Variants in PLCG2 observed in about 807,000 individuals in gnomAD.
The protein encoded by PLCG2 is 1-phosphatidylinositol 4,5-bisphosphate phosphodiesterase gamma-2.
In PLCG2, 69 loss-of-function variants were observed where a neutral mutation model predicts 175.6. The ratio of observed to expected loss-of-function variants is 0.39; its 90% CI spans 0.32 to 0.48. PLCG2 has a LOEUF of 0.48. Among genes scored for constraint, PLCG2 ranks in the 20% least tolerant of loss-of-function variants. The pLI is 0.91. For missense variants in PLCG2, 1,798 were observed against 1,650.9 expected, an observed-to-expected ratio of 1.09 and a Z score of -1.54; for synonymous variants, 827 against 624.0, an observed-to-expected ratio of 1.33 and a Z score of -4.85.
chr16:81,827,288 G>A (rs1651478230), intron 2 of PLCG2, among the ~76,000 whole-genome samples: 1 of 151,596 alleles, frequency 6.6e-6, no homozygotes, highest in Admixed American at 6.6e-5. Context: ...CCAGGATCAA[G>A]TGATCTTATC....
chr16:81,897,238 C>G (rs1036437805), intron 13 of PLCG2, among the ~76,000 whole-genome samples: 12 of 152,202 alleles, frequency 7.9e-5, no homozygotes, highest in African/African-American at 2.9e-4. Flanking sequence ...CTTCTATAGG[C>G]TCATTGGAAT....
intron 16 of PLCG2, 83 bp from the exon 17 acceptor site, chr16:81,908,333 C>G: frequency 1.6e-6 from 2 of 1,284,982 alleles, no homozygotes; most frequent in South Asian, 1.4e-5. Context: ...TACCCTGGGT[C>G]AGGGTGAGAC....
chr16:81,893,964 T>A (rs1256367806), intron 12 of PLCG2, among the ~76,000 whole-genome samples, 170 bp downstream of exon 12: 1 of 149,200 alleles, frequency 6.7e-6, no homozygotes, highest in African/African-American at 2.5e-5. Context: ...TTTCTTTCTT[T>A]TTTTTTTTTT....
chr16:81,773,890 A>C (rs535505223), intron 2 of PLCG2, among the ~76,000 whole-genome samples: 1 of 151,996 alleles, frequency 6.6e-6, no homozygotes, highest in South Asian at 2.1e-4. Flanking sequence ...TGTTCCTCCA[A>C]CTACACTCTG....
intron 2 of PLCG2, 107 bp from the exon 3 acceptor site, chr16:81,854,337 G>A (rs964407449): frequency 1.3e-5 from 13 of 997,538 alleles, no homozygotes; most frequent in Admixed American, 5.7e-5. Flanking sequence ...GCGGGATCCT[G>A]TTGGGGAAGG....
At chr16:81,766,589 T>A (rs1316096154) in intron 2 of PLCG2, 1 of 152,716 alleles carries the variant, frequency 6.5e-6, no homozygotes. Context: ...TATATTCATC[T>A]GCTCTGCTAA....
chr16:81,821,936 C>G (rs1904819047), intron 2 of PLCG2, among the ~76,000 whole-genome samples: 1 of 151,996 alleles, frequency 6.6e-6, no homozygotes, highest in South Asian at 2.1e-4. Flanking sequence ...CATCCCAGAT[C>G]CACCATTTGC....
intron 2 of PLCG2, among the ~76,000 whole-genome samples, chr16:81,807,768 G>T (rs1904288365): frequency 6.6e-6 from 1 of 152,160 alleles, no homozygotes; most frequent in Non-Finnish European, 1.5e-5. Context: ...GGCTGGAGGG[G>T]CCCCAGGAAG....
At chr16:81,783,162 C>T (rs758943508) in intron 1 of PLCG2, 4 of 487,938 alleles carry the variant, frequency 8.2e-6, no homozygotes, top group Non-Finnish European at 1.6e-5. Context: ...CTTGTGTTTC[C>T]TACTTATGTT....
chr16:81,946,332 G>T, intron 31 of PLCG2, 69 bp downstream of exon 31: 1 of 1,082,662 alleles, frequency 9.2e-7, no homozygotes, highest in South Asian at 1.2e-5. Context: ...AACGGCCCGT[G>T]AATACAATTG....
intron 2 of PLCG2, among the ~76,000 whole-genome samples, chr16:81,818,883 A>ATGTGTTTTTTTTT (rs1904669462): frequency 9.4e-6 from 1 of 106,644 alleles, no homozygotes; most frequent in Non-Finnish European, 1.8e-5. Flanking sequence ...GGGCTCATGG[A>ATGTGTTTTTTTTT]TTTTTTTTTT....
At chr16:81,750,752 C>T (rs1909795006) in intron 1 of PLCG2, among the ~76,000 whole-genome samples, 1 of 138,144 alleles carries the variant, frequency 7.2e-6, no homozygotes, top group Non-Finnish European at 1.5e-5. Flanking sequence ...ACTGCAAGCT[C>T]CGCCTCCCGG....
At chr16:81,940,582 G>GAAAACACAAGATCCCTTCA (rs1365299582) in intron 30 of PLCG2, among the ~76,000 whole-genome samples, 3 of 152,138 alleles carry the variant, frequency 2.0e-5, no homozygotes, top group African/African-American at 7.2e-5. Flanking sequence ...CCCTGCTGAA[G>GAAAACACAAGATCCCTTCA]AAAACACAAG....
intron 1 of PLCG2, among the ~76,000 whole-genome samples, chr16:81,742,153 G>GT (rs1314113687): frequency 3.6e-5 from 3 of 82,602 alleles, no homozygotes; most frequent in African/African-American, 1.1e-4. Flanking sequence ...CATTGTGGGG[G>GT]CGGGGGGGGG....
rs188784235 is a variant in PLCG2, at chr16:81,871,339, C to T, written c.648+404C>T. On this transcript the variant is annotated intron_variant, in intron 7 of 32. Coordinates refer to ENST00000564138, the MANE Select transcript of PLCG2 (RefSeq NM_002661.5). ...TATATATATGTTTCTTCTTTTTACA[C>T]GTTTGTTTGTTTGTTTTGAGATAGA... Among the ~76,000 whole-genome samples, 406 of 152,126 alleles carry T rather than the reference C, an allele frequency of 2.7e-3. 1 individual carries two copies. The highest frequency in any genetic ancestry group is 4.3e-3 in the Non-Finnish European group (291 of 67,994).
At chr16:81,763,050 C>G (rs1238970482) in intron 2 of PLCG2, among the ~76,000 whole-genome samples, 6 of 152,160 alleles carry the variant, frequency 3.9e-5, no homozygotes, top group Non-Finnish European at 8.8e-5. Context: ...GAGTGAGACC[C>G]TGTCTCTTAA....
At position 81,803,587 on chromosome 16, in the gene PLCG2, T is replaced by TTTCCTTTCC. The variant is rs1567472300; in HGVS notation, c.193+17407_193+17408insCCTTTCCTT. Among the ~76,000 whole-genome samples the TTTCCTTTCC allele has an allele frequency of 3.7e-4, 16 of 43,746 alleles. 1 individual carries two copies. Among genetic ancestry groups the TTTCCTTTCC allele is most frequent in the Admixed American group, 1.7e-3 (6 of 3,636 alleles). The allele number at this position is 43,746 out of a possible 152,430, so 28.7% of individuals were successfully genotyped here. A position where few individuals can be genotyped will look rare whatever the true frequency, so the allele number is the denominator to read the frequency against. The stretch of plus-strand genomic sequence containing the variant: ...CTTTCCTTTCCTTTCCTTTCCTTTC[T>TTTCCTTTCC]TTTCTTTTCTCCTTTTCTTTTCTTT... On this transcript the variant is annotated intron_variant, in intron 2 of 32. Transcript: ENST00000564138.
intron 2 of PLCG2, among the ~76,000 whole-genome samples, chr16:81,812,206 C>T (rs778439663): frequency 7.2e-5 from 11 of 152,072 alleles, no homozygotes; most frequent in East Asian, 3.9e-4. Flanking sequence ...CCTGCCACCG[C>T]GCCTGGCTAA....
At chr16:81,894,485 G>A (rs181381635) in intron 12 of PLCG2, among the ~76,000 whole-genome samples, 46 of 152,174 alleles carry the variant, frequency 3.0e-4, no homozygotes, top group African/African-American at 1.1e-3. Flanking sequence ...GATGGCAGAC[G>A]CCTTATTTCC....
Sources: allele counts gnomAD v4.1 joint callset (sites outside exome capture counted in the v4.1 genomes callset), GRCh38; gene constraint gnomAD v4.1.1; transcripts MANE v1.5; gene names NCBI Gene and HGNC (gene_info 2026-07-23, HGNC 2026-07-21).